The following PCCA variants were observed in gnomAD, a reference collection of about 807,000 sequenced individuals.
The protein encoded by PCCA is propionyl-CoA carboxylase subunit alpha, also known as propionyl-CoA carboxylase alpha chain, mitochondrial.
In PCCA, 74 loss-of-function variants were observed where a neutral mutation model predicts 101.3. That is an observed-to-expected ratio of 0.73 (90% CI 0.61 to 0.89). The LOEUF is 0.89. Among genes scored for constraint, PCCA ranks in the 40% least tolerant of loss-of-function variants. The pLI, the probability that PCCA is intolerant of heterozygous loss-of-function variation, is 0.00. For missense variants in PCCA, 891 were observed against 907.0 expected (o/e 0.98, Z 0.23); for synonymous variants, 294 against 313.6 (o/e 0.94, Z 0.66).
chr13:100,279,500 G>A (rs1270221452), intron 12 of PCCA, among the ~76,000 whole-genome samples: 3 of 151,234 alleles, frequency 2.0e-5, no homozygotes, highest in African/African-American at 4.9e-5. Context: ...TTTTTGAGAC[G>A]GAGTCTTGCT....
At chr13:100,525,447 A>G (rs2087713790) in intron 22 of PCCA, among the ~76,000 whole-genome samples, 1 of 152,256 alleles carries the variant, frequency 6.6e-6, no homozygotes, top group South Asian at 2.1e-4. Flanking sequence ...GCCACAGCAG[A>G]GCCCCTTAAG....
intron 4 of PCCA, among the ~76,000 whole-genome samples, chr13:100,117,960 C>T (rs1197443934): frequency 1.3e-5 from 2 of 151,398 alleles, no homozygotes; most frequent in Non-Finnish European, 2.9e-5. Flanking sequence ...ACTAAAAATA[C>T]AAAAAATTAG....
At chr13:100,323,694 T>G (rs2068322299) in intron 16 of PCCA, among the ~76,000 whole-genome samples, 1 of 152,212 alleles carries the variant, frequency 6.6e-6, no homozygotes, top group Non-Finnish European at 1.5e-5. Flanking sequence ...GGAAAACTTC[T>G]GTCTGATGTT....
At chr13:100,247,106 C>T (rs544337051) in intron 8 of PCCA, among the ~76,000 whole-genome samples, 287 of 151,972 alleles carry the variant, frequency 1.9e-3, no homozygotes, top group South Asian at 9.0e-3. Flanking sequence ...TGGGGTTTCA[C>T]CATGTTGGCC....
intron 19 of PCCA, among the ~76,000 whole-genome samples, chr13:100,413,569 C>G (rs1003145752): frequency 6.6e-6 from 1 of 152,052 alleles, no homozygotes; most frequent in Non-Finnish European, 1.5e-5. Flanking sequence ...GAGTATAGAG[C>G]GTCACTAAGT....
At chr13:100,191,178 T>A (rs761344821) in intron 6 of PCCA, among the ~76,000 whole-genome samples, 2 of 152,216 alleles carry the variant, frequency 1.3e-5, no homozygotes, top group Non-Finnish European at 2.9e-5. Context: ...GTTAGAAGTG[T>A]TTAAGGCAAT....
intron 8 of PCCA, among the ~76,000 whole-genome samples, chr13:100,247,672 C>G (rs1208618641): frequency 6.6e-6 from 1 of 151,804 alleles, no homozygotes; most frequent in Non-Finnish European, 1.5e-5. Flanking sequence ...TGCCACCACA[C>G]CTGGCTAATT....
intron 6 of PCCA, chr13:100,160,651 C>A (rs556166947): frequency 6.6e-6 from 1 of 152,132 alleles, no homozygotes; most frequent in Admixed American, 6.5e-5. Context: ...AAGCTGTTTT[C>A]TATTCTGTAT....
chr13:100,471,715 G>A (rs1002078884), intron 21 of PCCA, among the ~76,000 whole-genome samples: 1 of 152,208 alleles, frequency 6.6e-6, no homozygotes, highest in African/African-American at 2.4e-5. Flanking sequence ...TATCAACTTA[G>A]CAACTTGTTG....
chr13:100,129,984 G>A (rs2050335295), intron 4 of PCCA, among the ~76,000 whole-genome samples: 1 of 152,056 alleles, frequency 6.6e-6, no homozygotes, highest in African/African-American at 2.4e-5. Flanking sequence ...TCCTTTCTGG[G>A]TTTTATTGTC....
intron 4 of PCCA, among the ~76,000 whole-genome samples, chr13:100,149,995 C>T (rs905061119): frequency 2.0e-5 from 3 of 152,082 alleles, no homozygotes; most frequent in Non-Finnish European, 4.4e-5. Flanking sequence ...ATGAAATTTT[C>T]TATTAATCCA....
At chr13:100,323,826 G>A (rs1191271471) in intron 16 of PCCA, among the ~76,000 whole-genome samples, 4 of 152,102 alleles carry the variant, frequency 2.6e-5, no homozygotes, top group Admixed American at 2.0e-4. Context: ...TAACAATCAT[G>A]CATAATAGGT....
chr13:100,125,197 A>G (rs1458044056), intron 4 of PCCA, among the ~76,000 whole-genome samples: 1 of 151,554 alleles, frequency 6.6e-6, no homozygotes, highest in East Asian at 1.9e-4. Context: ...ACATTTTCTT[A>G]AACTGCCTTT....
At chr13:100,237,703 C>T (rs924505992) in intron 8 of PCCA, among the ~76,000 whole-genome samples, 2 of 151,882 alleles carry the variant, frequency 1.3e-5, no homozygotes, top group Non-Finnish European at 2.9e-5. Context: ...TTATTATCAA[C>T]CTCATTGGAT....
chr13:100,152,726 A>G lies in PCCA; in HGVS notation c.301-2253A>G, dbSNP rs184131617. ...CTCCCAAAGTGCTGGGATTACAGGCATGAGCCACCGCGCCCGGCCTAGTTC... is the reference window on the plus strand; with the variant it reads ...CTCCCAAAGTGCTGGGATTACAGGCGTGAGCCACCGCGCCCGGCCTAGTTC... On this transcript the variant is annotated intron_variant, in intron 4 of 23. Coordinates refer to ENST00000376285, the MANE Select transcript of PCCA (RefSeq NM_000282.4). Among the ~76,000 whole-genome samples, 446 of 152,280 alleles carry G rather than the reference A, an allele frequency of 2.9e-3. 3 individuals are homozygous for G. Among genetic ancestry groups the G allele is most frequent in the African/African-American group, 0.01 (427 of 41,562 alleles).
At chr13:100,300,644 C>A (rs2065991010) in intron 12 of PCCA, among the ~76,000 whole-genome samples, 2 of 152,346 alleles carry the variant, frequency 1.3e-5, no homozygotes, top group Non-Finnish European at 2.9e-5. Flanking sequence ...GAACGGTAGA[C>A]TTTTCCAGTG....
chr13:100,512,476 A>G (rs1336287344), intron 21 of PCCA, among the ~76,000 whole-genome samples: 1 of 152,174 alleles, frequency 6.6e-6, no homozygotes, highest in African/African-American at 2.4e-5. Flanking sequence ...GCTGTTTTTC[A>G]AGAACATTTT....
chr13:100,509,251 G>A (rs1282630556), intron 21 of PCCA, among the ~76,000 whole-genome samples: 1 of 152,180 alleles, frequency 6.6e-6, no homozygotes, highest in Non-Finnish European at 1.5e-5. Context: ...GACCCTATGC[G>A]TTTGTTCTCT....
intron 20 of PCCA, among the ~76,000 whole-genome samples, chr13:100,446,818 C>G (rs114963237): frequency 4.2e-4 from 64 of 152,310 alleles, no homozygotes; most frequent in African/African-American, 1.3e-3. Context: ...TGCACTAATT[C>G]TAGAATTTTT....
Sources: gnomAD v4.1 joint callset for allele counts (sites outside exome capture counted in the v4.1 genomes callset) on GRCh38, gnomAD v4.1.1 for gene constraint, MANE v1.5 for transcripts, NCBI Gene and HGNC (gene_info 2026-07-23, HGNC 2026-07-21) for gene names.